Variants in CDKAL1 observed in about 807,000 individuals in gnomAD.
The protein encoded by CDKAL1 is threonylcarbamoyladenosine tRNA methylthiotransferase.
In CDKAL1, 32 loss-of-function variants were observed where a neutral mutation model predicts 68.2. That is an observed-to-expected ratio of 0.47 (90% CI 0.35 to 0.63). The LOEUF is 0.63. Ranked by LOEUF, CDKAL1 falls within the 30% of genes least tolerant of loss-of-function variation. The pLI is 0.00. For missense variants in CDKAL1, 606 were observed against 696.7 expected, an observed-to-expected ratio of 0.87 and a Z score of 1.47; for synonymous variants, 234 against 244.3, an observed-to-expected ratio of 0.96 and a Z score of 0.39.
At chr6:20,673,649 T>C (rs7451008) in intron 5 of CDKAL1, among the ~76,000 whole-genome samples, 40,618 of 151,902 alleles carry the variant, frequency 0.27, 5,672 homozygotes, top group East Asian at 0.47. Context: ...GATGATTGAG[T>C]CATGGGGGTG....
chr6:21,064,828 C>T (rs539744303), intron 11 of CDKAL1, among the ~76,000 whole-genome samples: 1 of 152,100 alleles, frequency 6.6e-6, no homozygotes, highest in African/African-American at 2.4e-5. Flanking sequence ...AACAAAGAAC[C>T]ATTTAAAAGA....
chr6:21,118,337 G>A (rs1009246550), intron 13 of CDKAL1, among the ~76,000 whole-genome samples: 1 of 152,318 alleles, frequency 6.6e-6, no homozygotes. Flanking sequence ...CAAGGGTCCT[G>A]TGATTGGTAG....
intron 15 of CDKAL1, among the ~76,000 whole-genome samples, chr6:21,208,601 T>C (rs554068487): frequency 1.1e-5 from 1 of 92,498 alleles, no homozygotes; most frequent in African/African-American, 5.5e-5. Context: ...CAAGCAGTTT[T>C]TTCTGTTCCT....
intron 8 of CDKAL1, among the ~76,000 whole-genome samples, chr6:20,802,289 TC>T (rs1328336560): frequency 2.9e-5 from 4 of 136,410 alleles, no homozygotes; most frequent in African/African-American, 5.6e-5. Context: ...AAAGCAAGAC[TC>T]CGTCTCAAAA....
Position 20,995,412 on chromosome 6 carries a change from A to T in CDKAL1, c.910-4815A>T, listed in dbSNP as rs986593233. 3.9e-5 allele frequency among the ~76,000 whole-genome samples: 6 copies of T among 152,316 alleles called. No individual in the cohort carries two copies. The East Asian group carries it at 1.2e-3, about 29-fold the overall frequency. On this transcript the variant is annotated intron_variant, in intron 10 of 15. Coordinates refer to ENST00000274695, the MANE Select transcript of CDKAL1 (RefSeq NM_017774.3). ...ATAGCCTTACAAAAATGTATTTCTT[A>T]TATAATGAACTTGAAAGTTGAAATT...
intron 13 of CDKAL1, among the ~76,000 whole-genome samples, chr6:21,122,868 C>A (rs1221259199): frequency 7.3e-6 from 1 of 137,786 alleles, no homozygotes; most frequent in Non-Finnish European, 1.5e-5. Flanking sequence ...TGGTCTCAAA[C>A]TACTGGCTTT....
chr6:20,646,268 G>T (rs1768455924), intron 4 of CDKAL1, among the ~76,000 whole-genome samples: 1 of 151,524 alleles, frequency 6.6e-6, no homozygotes, highest in African/African-American at 2.4e-5. Context: ...TCTTGGTCAG[G>T]CTGGTCTTGA....
chr6:20,970,410 G>T (rs1379531378), intron 10 of CDKAL1, among the ~76,000 whole-genome samples: 1 of 152,160 alleles, frequency 6.6e-6, no homozygotes, highest in Non-Finnish European at 1.5e-5. Context: ...TTCTGAAAAA[G>T]TTGACTGACA....
chr6:20,630,693 C>T (rs1385784133), intron 4 of CDKAL1, among the ~76,000 whole-genome samples: 3 of 152,078 alleles, frequency 2.0e-5, no homozygotes, highest in Non-Finnish European at 4.4e-5. Flanking sequence ...ATCACAGTAC[C>T]TAATGTCAGA....
chr6:20,987,055 G>A (rs1160287874), intron 10 of CDKAL1, among the ~76,000 whole-genome samples: 1 of 152,168 alleles, frequency 6.6e-6, no homozygotes, highest in Non-Finnish European at 1.5e-5. Context: ...AAACAAAGAT[G>A]TGTAAGCTGA....
intron 9 of CDKAL1, among the ~76,000 whole-genome samples, chr6:20,942,035 T>G (rs1230601049): frequency 6.6e-6 from 1 of 152,214 alleles, no homozygotes; most frequent in East Asian, 1.9e-4. Context: ...TCATTGTACT[T>G]AATTAGCTTA....
chr6:21,125,144 G>A (rs572885392), intron 13 of CDKAL1, among the ~76,000 whole-genome samples: 1 of 152,222 alleles, frequency 6.6e-6, no homozygotes, highest in African/African-American at 2.4e-5. Flanking sequence ...CGTGTCAAGG[G>A]AGAAGCCAGG....
At chr6:20,837,937 T>TTGTGTG (rs531904726) in intron 8 of CDKAL1, among the ~76,000 whole-genome samples, 22,133 of 122,906 alleles carry the variant, frequency 0.18, 2,177 homozygotes, top group East Asian at 0.24. Context: ...TGGGAAGAAA[T>TTGTGTG]TGTGTGTGTG....
chr6:20,948,262 T>C (rs9350305), intron 9 of CDKAL1, among the ~76,000 whole-genome samples: 137,288 of 152,060 alleles, frequency 0.9, 62,081 homozygotes, highest in East Asian at 1. Context: ...GGGAATCCTT[T>C]GTGCCTTGGC....
chr6:20,876,978 C>T (rs1760550923), intron 9 of CDKAL1, among the ~76,000 whole-genome samples: 1 of 152,204 alleles, frequency 6.6e-6, no homozygotes, highest in Non-Finnish European at 1.5e-5. Flanking sequence ...AGTCAATACA[C>T]TTGTTCAATC....
intron 11 of CDKAL1, among the ~76,000 whole-genome samples, chr6:21,008,782 G>C (rs1289078915): frequency 6.6e-6 from 1 of 152,108 alleles, no homozygotes. Flanking sequence ...GGGATAATAC[G>C]TGTCTGTTGA....
chr6:20,990,303 TTG>T (rs1293618963), intron 10 of CDKAL1, among the ~76,000 whole-genome samples: 2 of 152,134 alleles, frequency 1.3e-5, no homozygotes, highest in African/African-American at 4.8e-5. Context: ...ATAAATGTGT[TTG>T]TGTGTGTAAT....
intron 8 of CDKAL1, among the ~76,000 whole-genome samples, chr6:20,834,862 C>CAATG (rs1258867356): frequency 6.6e-6 from 1 of 152,130 alleles, no homozygotes; most frequent in East Asian, 1.9e-4. Context: ...AAAGGCAAGT[C>CAATG]CATTCTCTCT....
rs140691485 is a variant in CDKAL1 at position 21,100,540 on chromosome 6, A to C, written c.1237-7861A>C. ...CTAACTAGAGAGTAGGGGGTGAAAA[A>C]ATATATGGAATAGAGCCACAGCCTT... On this transcript the variant is annotated intron_variant, in intron 12 of 15. Transcript: ENST00000274695. 5.8e-3 allele frequency among the ~76,000 whole-genome samples: 876 copies of C among 152,296 alleles called. 8 individuals are homozygous for C. Among genetic ancestry groups the C allele is most frequent in the African/African-American group, 0.02 (824 of 41,558 alleles).
Sources: gnomAD v4.1 joint callset for allele counts (sites outside exome capture counted in the v4.1 genomes callset) on GRCh38, gnomAD v4.1.1 for gene constraint, MANE v1.5 for transcripts, NCBI Gene and HGNC (gene_info 2026-07-23, HGNC 2026-07-21) for gene names.